Variants in BBOX1 observed in about 807,000 individuals in gnomAD.
BBOX1 encodes gamma-butyrobetaine hydroxylase 1, also known as gamma-butyrobetaine dioxygenase.
BBOX1 carries 35 observed loss-of-function variants against 41.6 expected under a neutral mutation model. The observed-to-expected ratio is 0.84, with a 90% confidence interval of 0.64 to 1.11. BBOX1 has a LOEUF of 1.11. Among genes scored for constraint, BBOX1 ranks in the 50% most tolerant of loss-of-function variants. The pLI is 0.00. For synonymous variants in BBOX1, 163 were observed against 154.7 expected (o/e 1.05, Z -0.40); for missense variants, 458 against 460.6 (o/e 0.99, Z 0.05).
chr11:27,102,413 A>G lies in BBOX1; in HGVS notation c.533+9047A>G, dbSNP rs144963922. 2.0e-5 allele frequency among the ~76,000 whole-genome samples: 3 copies of G among 152,226 alleles called. No individual in the cohort carries two copies. In the East Asian group the frequency reaches 5.8e-4, roughly 29 times the overall value. Reference sequence around the variant, plus strand: ...ACACCCTTAAACACCAGCCAGGTCAAAAAATGGAACGTTGCCAGCCACCCC... The same window carrying G: ...ACACCCTTAAACACCAGCCAGGTCAGAAAATGGAACGTTGCCAGCCACCCC... On this transcript the variant is annotated intron_variant, in intron 5 of 8. Coordinates refer to ENST00000263182, the MANE Select transcript of BBOX1 (RefSeq NM_003986.3).
rs1203494553 is a variant in BBOX1 at position 27,066,083 on chromosome 11, AT to A, written c.334+8774del. On this transcript the variant is annotated intron_variant, in intron 4 of 8. Coordinates refer to ENST00000263182, the MANE Select transcript of BBOX1 (RefSeq NM_003986.3). The stretch of plus-strand genomic sequence containing the variant: ...TAATGTTTTTGCTCTTGGAAAAATA[AT>A]TTTTTGTAGTTATATTAAAGTAAAG... Among the ~76,000 whole-genome samples, 7 of 152,318 alleles carry A rather than the reference AT, an allele frequency of 4.6e-5. No homozygotes were observed. In the South Asian group the frequency reaches 1.2e-3, roughly 27 times the overall value.
At position 27,057,285 on chromosome 11, in the gene BBOX1, G is replaced by T; in HGVS notation, c.304G>T (p.Ala102Ser). 6.2e-7 allele frequency: 1 copy of T among 1,612,286 alleles called. No individual in the cohort carries two copies. The highest frequency in any genetic ancestry group is 1.1e-5 in the South Asian group (1 of 90,624). Residue 102 changes from alanine to serine, a missense_variant, in exon 4 of 9, where the codon GCA becomes TCA. Transcript: ENST00000263182. Reference sequence around the variant, plus strand: ...AAGATGCTTTTCCAAGCAGGCCAGAGCAAAGCTCCAAAGAGAATTGTTTTT... The same window carrying T: ...AAGATGCTTTTCCAAGCAGGCCAGATCAAAGCTCCAAAGAGAATTGTTTTT... ...KKRCFSKQARAKLQRELFFPE... is the reference protein window; with the variant it reads ...KKRCFSKQARSKLQRELFFPE...
chr11:27,066,179 A>G (rs1009881625), intron 4 of BBOX1, among the ~76,000 whole-genome samples: 3 of 152,174 alleles, frequency 2.0e-5, no homozygotes, highest in Non-Finnish European at 4.4e-5. Flanking sequence ...CTCCATTTCT[A>G]CAAGCTAGGC....
intron 4 of BBOX1, among the ~76,000 whole-genome samples, chr11:27,080,905 C>T (rs1336689631): frequency 1.3e-5 from 2 of 152,128 alleles, no homozygotes; most frequent in African/African-American, 4.8e-5. Context: ...GAAGATTTAA[C>T]CAGACAGCAG....
intron 6 of BBOX1, among the ~76,000 whole-genome samples, chr11:27,116,532 T>C (rs776471355): frequency 1.3e-5 from 2 of 152,074 alleles, no homozygotes; most frequent in South Asian, 2.1e-4. Context: ...ATCCATTTAC[T>C]TAGCCCTTGT....
chr11:27,097,483 G>A (rs764302567), intron 5 of BBOX1, among the ~76,000 whole-genome samples: 17 of 151,994 alleles, frequency 1.1e-4, no homozygotes, highest in East Asian at 1.9e-4. Context: ...CTAATAATAC[G>A]TGCATGGCAC....
intron 4 of BBOX1, among the ~76,000 whole-genome samples, chr11:27,063,536 T>G (rs1008383197): frequency 6.6e-6 from 1 of 152,088 alleles, no homozygotes; most frequent in African/African-American, 2.4e-5. Context: ...CTAACTTTAA[T>G]AATATTTTTT....
chr11:27,118,486 T>C lies in BBOX1; in HGVS notation c.640-1163T>C, dbSNP rs1461653751. Among the ~76,000 whole-genome samples the C allele has an allele frequency of 2.6e-5, 4 of 152,044 alleles. No homozygotes were observed. The East Asian group carries it at 5.8e-4, about 22-fold the overall frequency. The stretch of plus-strand genomic sequence containing the variant: ...AGTTCAGTTTGATCGATTTGGATTA[T>C]GTGGGGCAGAGATAAGGCACCACAT... On this transcript the variant is annotated intron_variant, in intron 6 of 8. Coordinates refer to ENST00000263182, the MANE Select transcript of BBOX1 (RefSeq NM_003986.3).
chr11:27,072,879 G>A (rs1224092071), intron 4 of BBOX1, among the ~76,000 whole-genome samples: 2 of 152,050 alleles, frequency 1.3e-5, no homozygotes, highest in Admixed American at 6.5e-5. Flanking sequence ...TGCTGAAACT[G>A]TATCTCTTCC....
chr11:27,122,468 A>G (rs1347440171), intron 7 of BBOX1, among the ~76,000 whole-genome samples: 2 of 152,190 alleles, frequency 1.3e-5, no homozygotes, highest in South Asian at 2.1e-4. Context: ...TGCAGAATAC[A>G]TTTTAGCTAG....
rs377732722 is a variant in BBOX1, at chr11:27,058,945, C to T, written c.334+1630C>T. ...TTTTTGGGAGAGGAAGTCAAGCAGACTGTGGATCAACCACTTATTAGAGAT... is the reference window on the plus strand; with the variant it reads ...TTTTTGGGAGAGGAAGTCAAGCAGATTGTGGATCAACCACTTATTAGAGAT... On this transcript the variant is annotated intron_variant, in intron 4 of 8. Transcript: ENST00000263182. Among the ~76,000 whole-genome samples the T allele has an allele frequency of 1.2e-4, 18 of 152,328 alleles. No homozygotes were observed. The East Asian group carries it at 3.3e-3, about 28-fold the overall frequency.
At chr11:27,047,610 A>AAT (rs1010004880) in intron 2 of BBOX1, among the ~76,000 whole-genome samples, 1 of 152,136 alleles carries the variant, frequency 6.6e-6, no homozygotes, top group Non-Finnish European at 1.5e-5. Flanking sequence ...TATTGAGTTT[A>AAT]ATATATATAT....
At chr11:27,070,073 T>A (rs886153574) in intron 4 of BBOX1, among the ~76,000 whole-genome samples, 13 of 152,158 alleles carry the variant, frequency 8.5e-5, no homozygotes, top group Admixed American at 7.9e-4. Context: ...TTGTATTGTT[T>A]TCAGGGTTCC....
At chr11:27,095,030 G>T (rs553545397) in intron 5 of BBOX1, among the ~76,000 whole-genome samples, 1 of 151,850 alleles carries the variant, frequency 6.6e-6, no homozygotes, top group South Asian at 2.1e-4. Context: ...AAACTGAAGC[G>T]CAGAGAATTA....
intron 4 of BBOX1, among the ~76,000 whole-genome samples, chr11:27,082,092 T>C (rs1857860424): frequency 6.6e-6 from 1 of 152,138 alleles, no homozygotes; most frequent in Non-Finnish European, 1.5e-5. Flanking sequence ...CTCACTATTG[T>C]GAGGACAGCA....
intron 4 of BBOX1, among the ~76,000 whole-genome samples, chr11:27,077,691 GA>G (rs1469483929): frequency 6.7e-6 from 1 of 150,254 alleles, no homozygotes; most frequent in African/African-American, 2.4e-5. Context: ...GAAAAATGTA[GA>G]ATATTATTAT....
chr11:27,107,702 C>T (rs149507388), intron 5 of BBOX1, among the ~76,000 whole-genome samples: 17 of 152,150 alleles, frequency 1.1e-4, no homozygotes, highest in Admixed American at 3.9e-4. Flanking sequence ...AAAGTTCCTT[C>T]ATGACCAATG....
At chr11:27,125,598 C>A in intron 7 of BBOX1, 56 bp from the exon 8 acceptor site, 1 of 1,315,620 alleles carries the variant, frequency 7.6e-7, no homozygotes, top group Non-Finnish European at 1.0e-6. Flanking sequence ...TGACTCTTAT[C>A]AATGTAAATA....
intron 5 of BBOX1, among the ~76,000 whole-genome samples, chr11:27,108,730 T>A (rs1247216441): frequency 6.6e-6 from 1 of 152,066 alleles, no homozygotes; most frequent in African/African-American, 2.4e-5. Context: ...GAAAGATATA[T>A]CAAGTGTTCC....
Sources: gnomAD v4.1 joint callset for allele counts (sites outside exome capture counted in the v4.1 genomes callset) on GRCh38, gnomAD v4.1.1 for gene constraint, MANE v1.5 for transcripts, NCBI Gene and HGNC (gene_info 2026-07-23, HGNC 2026-07-21) for gene names.